DPP10: variants seen among roughly 807,000 people sequenced by gnomAD.
DPP10 encodes dipeptidyl peptidase like 10.
A neutral mutation model predicts 120.9 loss-of-function variants in DPP10; 33 were observed. The ratio of observed to expected loss-of-function variants is 0.27; its 90% confidence interval spans 0.21 to 0.37. The LOEUF (loss-of-function observed/expected upper bound fraction) is 0.37. Ranked by LOEUF, DPP10 falls within the 10% of genes least tolerant of loss-of-function variation. The probability of loss-of-function intolerance (pLI) is 1.00; values close to 1 mark genes in which losing one functional copy is unlikely to be tolerated. For synonymous variants in DPP10, 337 were observed against 326.1 expected (o/e 1.03, Z -0.36); for missense variants, 816 against 942.8 (o/e 0.87, Z 1.76).
intron 1 of DPP10, among the ~76,000 whole-genome samples, chr2:114,591,780 C>T (rs1032499823): frequency 3.9e-5 from 6 of 151,936 alleles, no homozygotes; most frequent in Non-Finnish European, 8.8e-5. Context: ...GTCTCGAACT[C>T]CTGACCTCAT....
intron 1 of DPP10, among the ~76,000 whole-genome samples, chr2:114,789,390 C>A (rs1367670219): frequency 1.3e-5 from 2 of 152,172 alleles, no homozygotes; most frequent in Non-Finnish European, 2.9e-5. Context: ...GTCCCATGAA[C>A]TCATTCACAG....
intron 1 of DPP10, among the ~76,000 whole-genome samples, chr2:114,555,500 G>A (rs1688215962): frequency 6.6e-6 from 1 of 152,156 alleles, no homozygotes; most frequent in African/African-American, 2.4e-5. Flanking sequence ...TATTTGTGTT[G>A]CTTTACCCTG....
intron 3 of DPP10, among the ~76,000 whole-genome samples, chr2:115,434,614 A>T (rs1252254683): frequency 9.0e-6 from 1 of 111,412 alleles, no homozygotes; most frequent in Non-Finnish European, 2.4e-5. Flanking sequence ...CATGTATATA[A>T]GATTTAATGC....
chr2:114,637,325 C>A (rs970919015), intron 1 of DPP10, among the ~76,000 whole-genome samples: 3 of 151,884 alleles, frequency 2.0e-5, no homozygotes, highest in African/African-American at 7.3e-5. Context: ...TTAGGAGGAT[C>A]ATCTGATCTG....
At chr2:115,261,195 A>G (rs966272546) in intron 1 of DPP10, among the ~76,000 whole-genome samples, 2 of 152,204 alleles carry the variant, frequency 1.3e-5, no homozygotes, top group African/African-American at 4.8e-5. Context: ...AACTTGCATC[A>G]TGGAATCCGC....
Position 114,454,610 on chromosome 2 carries a change from T to A in DPP10, c.60+11772T>A, listed in dbSNP as rs190229916. The stretch of plus-strand genomic sequence containing the variant: ...AATTGAAGTTTCCTGTTTTCTCTCA[T>A]GAGAATGCTTCCTGTTCCTTATTAT... On this transcript the variant is annotated intron_variant, in intron 1 of 25. Coordinates refer to ENST00000410059, the MANE Select transcript of DPP10 (RefSeq NM_020868.6). Among the ~76,000 whole-genome samples, 573 of 152,338 alleles carry A rather than the reference T, an allele frequency of 3.8e-3. 3 individuals are homozygous for A. Among genetic ancestry groups the A allele is most frequent in the Admixed American group, 0.012 (188 of 15,302 alleles).
intron 7 of DPP10, among the ~76,000 whole-genome samples, chr2:115,721,812 A>G (rs2092656463): frequency 6.6e-6 from 1 of 152,222 alleles, no homozygotes; most frequent in South Asian, 2.1e-4. Context: ...TCCTATGTTC[A>G]TTGCAGCCCT....
intron 1 of DPP10, among the ~76,000 whole-genome samples, chr2:115,249,437 A>G (rs930799506): frequency 6.6e-6 from 1 of 152,156 alleles, no homozygotes; most frequent in African/African-American, 2.4e-5. Context: ...ACAAGCAATG[A>G]ACATAGAATG....
At chr2:115,775,076 G>A (rs561623607) in intron 13 of DPP10, among the ~76,000 whole-genome samples, 1 of 151,954 alleles carries the variant, frequency 6.6e-6, no homozygotes, top group African/African-American at 2.4e-5. Context: ...AACTAAATGA[G>A]AATACTACAT....
chr2:115,377,314 A>G (rs755691267), intron 3 of DPP10, among the ~76,000 whole-genome samples: 4,216 of 151,754 alleles, frequency 0.028, 191 homozygotes, highest in African/African-American at 0.095. Flanking sequence ...GATGGTGAGC[A>G]TTTTTTCATG....
chr2:115,801,551 A>T (rs145470377), intron 19 of DPP10, among the ~76,000 whole-genome samples: 2,768 of 152,176 alleles, frequency 0.018, 85 homozygotes, highest in African/African-American at 0.061. Flanking sequence ...GCCCATTCAG[A>T]ATGATATTGG....
At chr2:114,529,135 G>A (rs1685746798) in intron 1 of DPP10, among the ~76,000 whole-genome samples, 1 of 152,030 alleles carries the variant, frequency 6.6e-6, no homozygotes, top group South Asian at 2.1e-4. Context: ...GCCAGGCTTT[G>A]GTAAACTGCC....
At chr2:114,629,503 T>C (rs904047072) in intron 1 of DPP10, among the ~76,000 whole-genome samples, 1 of 152,122 alleles carries the variant, frequency 6.6e-6, no homozygotes, top group South Asian at 2.1e-4. Context: ...TATAAGAAAA[T>C]TAAAATGGGT....
chr2:114,448,491 T>C (rs957960084), intron 1 of DPP10, among the ~76,000 whole-genome samples: 4 of 152,150 alleles, frequency 2.6e-5, no homozygotes, highest in Admixed American at 2.6e-4. Context: ...CAAAGTGCTG[T>C]CCCTAGACCA....
rs548447527 is a variant in DPP10 at position 115,259,824 on chromosome 2, A to G, written c.61-49415A>G. On this transcript the variant is annotated intron_variant, in intron 1 of 25. Transcript: ENST00000410059. ...ATGCATAAACATATTCACACAAACT[A>G]TATATGATATATGCTATATAGCATA... Among the ~76,000 whole-genome samples the G allele has an allele frequency of 2.0e-4, 30 of 152,160 alleles. 1 individual carries two copies. The highest frequency in any genetic ancestry group is 3.4e-3 in the Middle Eastern group (1 of 292).
intron 1 of DPP10, among the ~76,000 whole-genome samples, chr2:114,959,845 T>C (rs1195945684): frequency 6.6e-6 from 1 of 152,234 alleles, no homozygotes; most frequent in African/African-American, 2.4e-5. Flanking sequence ...TTTCATGTGC[T>C]TATTGGCCAT....
chr2:115,353,091 T>A (rs189002606), intron 3 of DPP10, among the ~76,000 whole-genome samples: 147 of 152,146 alleles, frequency 9.7e-4, no homozygotes, highest in African/African-American at 3.3e-3. Flanking sequence ...AGGTGAACAA[T>A]AATTAGGTGA....
chr2:115,371,872 A>G (rs1231276542), intron 3 of DPP10, among the ~76,000 whole-genome samples: 1 of 152,156 alleles, frequency 6.6e-6, no homozygotes, highest in African/African-American at 2.4e-5. Flanking sequence ...ATTTGCTGAT[A>G]CTTTCATAAA....
chr2:114,589,024 G>A (rs531927353), intron 1 of DPP10, among the ~76,000 whole-genome samples: 2 of 129,676 alleles, frequency 1.5e-5, no homozygotes, highest in Non-Finnish European at 3.2e-5. Context: ...CGGTAGAAAG[G>A]CAAAGGTTTT....
Sources: gnomAD v4.1 joint callset for allele counts (sites outside exome capture counted in the v4.1 genomes callset) on GRCh38, gnomAD v4.1.1 for gene constraint, MANE v1.5 for transcripts, NCBI Gene and HGNC (gene_info 2026-07-23, HGNC 2026-07-21) for gene names.